Variants in CSMD1 observed in about 807,000 individuals in gnomAD.
The protein encoded by CSMD1 is CUB and Sushi multiple domains 1, also known as CUB and sushi domain-containing protein 1.
CSMD1 carries 213 observed loss-of-function variants against 417.5 expected under a neutral mutation model. The observed-to-expected ratio is 0.51, with a 90% CI of 0.46 to 0.57. The LOEUF (loss-of-function observed/expected upper bound fraction) is 0.57. CSMD1 is among the 20% of genes least tolerant of loss of function. The pLI, the probability that CSMD1 is intolerant of heterozygous loss-of-function variation, is 0.00. For synonymous variants in CSMD1, 2,862 were observed against 1,736.8 expected (o/e 1.65, Z -16.11); for missense variants, 6,923 against 4,529.7 (o/e 1.53, Z -15.17).
intron 5 of CSMD1, among the ~76,000 whole-genome samples, chr8:3,872,142 T>C (rs1805518944): frequency 1.3e-5 from 2 of 152,238 alleles, no homozygotes; most frequent in African/African-American, 4.8e-5. Context: ...TCTCATTTCA[T>C]GTTGTTTTAA....
intron 49 of CSMD1, among the ~76,000 whole-genome samples, chr8:3,071,988 T>G (rs554161824): frequency 1.3e-5 from 2 of 152,320 alleles, no homozygotes; most frequent in Non-Finnish European, 1.5e-5. Flanking sequence ...GCATGTATAA[T>G]CCACTGGTCT....
rs974210521 is a variant in CSMD1, at chr8:4,022,249, G to A, written c.610+9656C>T. Among the ~76,000 whole-genome samples the A allele has an allele frequency of 2.0e-4, 30 of 150,064 alleles. 1 individual carries two copies. The highest frequency in any genetic ancestry group is 1.5e-5 in the Non-Finnish European group (1 of 67,736). ...AAAGGTGCTGACTATTTTGGTCTAT[G>A]CCTCACTATTCATTTGCTTATCTCT... On this transcript the variant is annotated intron_variant, in intron 4 of 69. Transcript: ENST00000635120.
intron 10 of CSMD1, among the ~76,000 whole-genome samples, chr8:3,524,862 C>T (rs563607937): frequency 1.7e-4 from 26 of 150,930 alleles, no homozygotes; most frequent in African/African-American, 5.9e-4. Context: ...TCTATTTTAA[C>T]ATCACTGTAT....
At chr8:3,404,725 T>G (rs890572452) in intron 15 of CSMD1, among the ~76,000 whole-genome samples, 11 of 152,222 alleles carry the variant, frequency 7.2e-5, no homozygotes, top group Non-Finnish European at 1.3e-4. Context: ...CTTTTTTTAG[T>G]GTTTTACAAA....
chr8:3,086,127 A>G (rs1814512725), intron 49 of CSMD1, among the ~76,000 whole-genome samples: 1 of 152,186 alleles, frequency 6.6e-6, no homozygotes, highest in South Asian at 2.1e-4. Flanking sequence ...CTATAAACAG[A>G]GTCATAGAAC....
At chr8:3,889,559 C>G (rs73661016) in intron 5 of CSMD1, among the ~76,000 whole-genome samples, 2,809 of 33,104 alleles carry the variant, frequency 0.085, 122 homozygotes, top group African/African-American at 0.11. Flanking sequence ...ATATGTGTGT[C>G]TGTGTGTGTG....
At chr8:4,228,866 G>C (rs940237361) in intron 3 of CSMD1, among the ~76,000 whole-genome samples, 15 of 151,936 alleles carry the variant, frequency 9.9e-5, no homozygotes, top group Non-Finnish European at 1.5e-4. Flanking sequence ...ATTTTTAGTA[G>C]AGACCGGCTT....
At chr8:2,995,184 C>T (rs1401632578) in intron 54 of CSMD1, among the ~76,000 whole-genome samples, 1 of 152,204 alleles carries the variant, frequency 6.6e-6, no homozygotes, top group Non-Finnish European at 1.5e-5. Flanking sequence ...TCTTGAAACT[C>T]AGTCTTAAAA....
chr8:4,858,319 G>A (rs1219851458), intron 1 of CSMD1, among the ~76,000 whole-genome samples: 5 of 151,716 alleles, frequency 3.3e-5, no homozygotes, highest in South Asian at 2.1e-4. Flanking sequence ...TACTGAATGG[G>A]CAAAAACTGG....
Position 2,937,158 on chromosome 8 carries a change from T to C in CSMD1, c.*1427A>G, listed in dbSNP as rs1585022438. On this transcript the variant is annotated 3_prime_UTR_variant, in exon 70 of 70. Coordinates refer to ENST00000635120, the MANE Select transcript of CSMD1 (RefSeq NM_033225.6). ...ATTTTTATTTGCCCTGGGGATCTTA[T>C]AGATTTTATTTGCATCATAACTTAT... 6.6e-6 allele frequency: 1 copy of C among 152,198 alleles called. No homozygotes were observed. Among genetic ancestry groups the C allele is most frequent in the Non-Finnish European group, 1.5e-5 (1 of 68,018 alleles). 9.4% of individuals were successfully genotyped at this position (152,198 alleles called of 1,614,324 possible). A position where few individuals can be genotyped will look rare whatever the true frequency, so the allele number is the denominator to read the frequency against.
chr8:4,329,551 T>C (rs1238956838), intron 3 of CSMD1, among the ~76,000 whole-genome samples: 2 of 152,190 alleles, frequency 1.3e-5, no homozygotes, highest in African/African-American at 2.4e-5. Context: ...GCCTCCCAAA[T>C]TGCTTGGATT....
intron 25 of CSMD1, among the ~76,000 whole-genome samples, chr8:3,286,941 G>GT (rs1803206143): frequency 6.6e-6 from 1 of 152,058 alleles, no homozygotes; most frequent in South Asian, 2.1e-4. Context: ...TTCTTCTAGG[G>GT]TTTTTATGGT....
intron 3 of CSMD1, among the ~76,000 whole-genome samples, chr8:4,418,331 C>A (rs1382720844): frequency 6.6e-6 from 1 of 152,020 alleles, no homozygotes; most frequent in Admixed American, 6.6e-5. Flanking sequence ...AATATTTTTC[C>A]AACATAGACA....
intron 52 of CSMD1, 35 bp downstream of exon 52, chr8:3,018,442 G>A (rs1401914101): frequency 1.3e-6 from 2 of 1,595,672 alleles, no homozygotes; most frequent in Admixed American, 1.7e-5. Context: ...AGGTTTATCT[G>A]CATTAAGTAA....
Position 3,020,918 on chromosome 8 carries a change from T to G in CSMD1, c.7856-2268A>C, listed in dbSNP as rs1809316781. On this transcript the variant is annotated intron_variant, in intron 51 of 69. Transcript: ENST00000635120. ...ATATGTTTGCTCTACCAAATGTTAATGAACTCGAGTAGGATTTAGATTTTT... is the reference window on the plus strand; with the variant it reads ...ATATGTTTGCTCTACCAAATGTTAAGGAACTCGAGTAGGATTTAGATTTTT... Among the ~76,000 whole-genome samples, 4 of 152,384 alleles carry G rather than the reference T, an allele frequency of 2.6e-5. No homozygotes were observed. The South Asian group carries it at 8.3e-4, about 32-fold the overall frequency.
At chr8:4,898,447 G>C (rs1804648188) in intron 1 of CSMD1, among the ~76,000 whole-genome samples, 2 of 151,478 alleles carry the variant, frequency 1.3e-5, no homozygotes, top group African/African-American at 2.5e-5. Flanking sequence ...GACCGCATGG[G>C]TGTAGAAAGT....
intron 33 of CSMD1, among the ~76,000 whole-genome samples, chr8:3,193,772 G>C (rs377308416): frequency 6.6e-6 from 1 of 152,152 alleles, no homozygotes; most frequent in South Asian, 2.1e-4. Context: ...GGGCTTTGAG[G>C]TGCTGAAAGT....
At chr8:3,197,729 G>A (rs557983993) in intron 33 of CSMD1, among the ~76,000 whole-genome samples, 2 of 152,220 alleles carry the variant, frequency 1.3e-5, no homozygotes, top group African/African-American at 4.8e-5. Context: ...CTCCCAAAGT[G>A]CTGGGATTAC....
At chr8:4,171,850 G>C (rs192938770) in intron 3 of CSMD1, among the ~76,000 whole-genome samples, 121 of 152,132 alleles carry the variant, frequency 8.0e-4, no homozygotes, top group Non-Finnish European at 1.5e-3. Context: ...TGCCCATTAT[G>C]TGTGATTCTC....
Sources: gnomAD v4.1 joint callset for allele counts (sites outside exome capture counted in the v4.1 genomes callset) on GRCh38, gnomAD v4.1.1 for gene constraint, MANE v1.5 for transcripts, NCBI Gene and HGNC (gene_info 2026-07-23, HGNC 2026-07-21) for gene names.